The following TTLL6 variants were observed in gnomAD, a reference collection of about 807,000 sequenced individuals.
TTLL6 encodes the protein tubulin polyglutamylase TTLL6.
A neutral mutation model predicts 96.4 loss-of-function variants in TTLL6; 75 were observed. The ratio of observed to expected loss-of-function variants is 0.78; its 90% CI spans 0.65 to 0.94. TTLL6 has a LOEUF of 0.94. Ranked by LOEUF, TTLL6 falls within the 40% of genes least tolerant of loss-of-function variation. The pLI is 0.00. For synonymous variants in TTLL6, 411 were observed against 419.4 expected (o/e 0.98, Z 0.24); for missense variants, 1,030 against 1,093.0 (o/e 0.94, Z 0.81).
chr17:48,814,503 T>C (rs900930592), intron 1 of TTLL6, among the ~76,000 whole-genome samples: 9 of 152,132 alleles, frequency 5.9e-5, no homozygotes. Flanking sequence ...ATTCTCATGT[T>C]TCCTTCCATT....
intron 13 of TTLL6, among the ~76,000 whole-genome samples, chr17:48,772,877 C>T (rs957918647): frequency 6.6e-6 from 1 of 152,048 alleles, no homozygotes; most frequent in Non-Finnish European, 1.5e-5. Context: ...TGGTGGCATG[C>T]ACCTGTGTCC....
intron 1 of TTLL6, among the ~76,000 whole-genome samples, chr17:48,814,057 G>A (rs1197239072): frequency 5.3e-5 from 8 of 152,088 alleles, no homozygotes; most frequent in South Asian, 4.1e-4. Flanking sequence ...GGTGGCTCAC[G>A]CCTGTAATTC....
In TTLL6 at chr17:48,769,052, C is replaced by T; in HGVS notation, c.2613G>A (p.Met871Ile). 3 of 1,614,214 alleles carry T rather than the reference C, an allele frequency of 1.9e-6. No homozygotes were observed. The highest frequency in any genetic ancestry group is 2.5e-6 in the Non-Finnish European group (3 of 1,180,032). ...AATGGCTGTATGCTTCTTGATCCTG[C>T]ATACATGGGTCCCTCATAGCACTTG... ...SHASAMRDPC[M>I]QDQEAYSHCL... The change falls in exon 15 of 16, where the codon ATG becomes ATA. Residue 871 changes from methionine to isoleucine, a missense_variant. Transcript: ENST00000393382.
intron 13 of TTLL6, among the ~76,000 whole-genome samples, chr17:48,774,092 A>AC (rs1251376178): frequency 8.8e-5 from 7 of 79,646 alleles, no homozygotes; most frequent in Non-Finnish European, 1.2e-4. Context: ...CAAAAAAAAC[A>AC]AAACAAAAAA....
At chr17:48,770,236 CTCCT>C in intron 13 of TTLL6, 139 bp from the exon 14 acceptor site, 2 of 1,238,190 alleles carry the variant, frequency 1.6e-6, no homozygotes, top group Non-Finnish European at 2.2e-6. Flanking sequence ...TCAAGTGATG[CTCCT>C]GCCTCAGCCT....
intron 13 of TTLL6, among the ~76,000 whole-genome samples, chr17:48,781,839 TA>T (rs990531443): frequency 1.3e-5 from 2 of 152,120 alleles, no homozygotes; most frequent in Admixed American, 1.3e-4. Context: ...AGTACCCTTA[TA>T]AAAGAAGCTT....
At chr17:48,774,443 C>A (rs910638391) in intron 13 of TTLL6, among the ~76,000 whole-genome samples, 2 of 151,270 alleles carry the variant, frequency 1.3e-5, no homozygotes, top group Non-Finnish European at 2.9e-5. Context: ...GGATTACAGG[C>A]GTGAGCCACT....
intron 15 of TTLL6, among the ~76,000 whole-genome samples, chr17:48,763,365 G>C (rs2038526398): frequency 6.6e-6 from 1 of 152,114 alleles, no homozygotes; most frequent in Non-Finnish European, 1.5e-5. Context: ...GTGTGTCTTG[G>C]GCCAGTTCAC....
In TTLL6 at chr17:48,797,126, C is replaced by G; in HGVS notation, c.847G>C (p.Val283Leu). 6.4e-7 allele frequency: 1 copy of G among 1,551,438 alleles called. No homozygotes were observed. The highest frequency in any genetic ancestry group is 8.7e-7 in the Non-Finnish European group (1 of 1,146,964). ...AAGCGGGCCAGTCCTTCATTGTACACAAAAATCCTGAGAGGGTCACAGGAT... is the reference window on the plus strand; with the variant it reads ...AAGCGGGCCAGTCCTTCATTGTACAGAAAAATCCTGAGAGGGTCACAGGAT... ...VTSCDPLRIF[V>L]YNEGLARFAT... The change falls in exon 7 of 16, where the codon GTG becomes CTG. Residue 283 changes from valine (V) to leucine (L), a missense_variant. Val to Leu is a conservative substitution (Grantham distance 32). Transcript: ENST00000393382.
intron 3 of TTLL6, among the ~76,000 whole-genome samples, chr17:48,802,078 A>AAAAGAAAGAAAGAAAG (rs139321404): frequency 6.6e-5 from 8 of 121,344 alleles, no homozygotes; most frequent in South Asian, 3.0e-4. Flanking sequence ...GAAAGAAAGA[A>AAAAGAAAGAAAGAAAG]AAAGAAAGAA....
Position 48,804,996 on chromosome 17 carries a change from A to T in TTLL6, c.104-5T>A. 6.5e-7 allele frequency: 1 copy of T among 1,549,510 alleles called. No individual in the cohort carries two copies. The highest frequency in any genetic ancestry group is 8.7e-7 in the Non-Finnish European group (1 of 1,145,352). ...CTCTGGGGAAATACCAGGCCCCTAG[A>T]GAGAGGGCAGAGGGAGCCGCAGTTA... On this transcript the variant is annotated splice_region_variant and splice_polypyrimidine_tract_variant and intron_variant, in intron 1 of 15. Transcript: ENST00000393382.
At chr17:48,786,015 T>G in intron 12 of TTLL6, 149 bp downstream of exon 12, 12 of 1,190,590 alleles carry the variant, frequency 1.0e-5, no homozygotes, top group Non-Finnish European at 1.2e-5. Context: ...CCTTCAGGGC[T>G]CCCCGCACCG....
intron 8 of TTLL6, among the ~76,000 whole-genome samples, 166 bp from the exon 9 acceptor site, chr17:48,791,769 G>A (rs1285249948): frequency 1.3e-5 from 2 of 152,108 alleles, no homozygotes; most frequent in East Asian, 3.9e-4. Context: ...TGCCAGATGA[G>A]GTCCCAGGAA....
intron 2 of TTLL6, chr17:48,804,509 T>A (rs2039475849): frequency 1.6e-6 from 1 of 618,532 alleles, no homozygotes; most frequent in African/African-American, 1.8e-5. Flanking sequence ...TTTCCTGCTA[T>A]TTTTTAAAGG....
chr17:48,810,821 GTGTGTATA>G (rs1283833526), intron 1 of TTLL6, among the ~76,000 whole-genome samples: 4 of 51,676 alleles, frequency 7.7e-5, no homozygotes, highest in Non-Finnish European at 1.0e-4. Context: ...TATAGTATGT[GTGTGTATA>G]TATATATATA....
chr17:48,767,076 T>G (rs1459858360), intron 15 of TTLL6, among the ~76,000 whole-genome samples: 1 of 152,180 alleles, frequency 6.6e-6, no homozygotes, highest in Non-Finnish European at 1.5e-5. Context: ...GGCTACTTTT[T>G]GTATTTTTAG....
At chr17:48,793,726 G>A (rs576222787) in intron 8 of TTLL6, among the ~76,000 whole-genome samples, 7 of 152,268 alleles carry the variant, frequency 4.6e-5, no homozygotes, top group South Asian at 4.1e-4. Flanking sequence ...CTAGCTGTGC[G>A]ACCCAGGTAA....
intron 3 of TTLL6, 102 bp downstream of exon 3, chr17:48,803,789 T>C (rs1455395159): frequency 1.7e-6 from 2 of 1,186,870 alleles, no homozygotes; most frequent in East Asian, 5.1e-5. Context: ...GATTTGAAGA[T>C]ACGCCCTTTC....
chr17:48,768,431 C>T (rs1385512364), intron 15 of TTLL6, among the ~76,000 whole-genome samples: 1 of 152,126 alleles, frequency 6.6e-6, no homozygotes, highest in African/African-American at 2.4e-5. Flanking sequence ...CCACCATGCC[C>T]AGCTAATTTT....
Sources: allele counts gnomAD v4.1 joint callset (sites outside exome capture counted in the v4.1 genomes callset), GRCh38; gene constraint gnomAD v4.1.1; transcripts MANE v1.5; gene names NCBI Gene and HGNC (gene_info 2026-07-23, HGNC 2026-07-21).